The following BTAF1 variants were observed in gnomAD, a reference collection of about 807,000 sequenced individuals.
The protein encoded by BTAF1 is B-TFIID TATA-box binding protein associated factor 1.
BTAF1 carries 38 observed loss-of-function variants against 227.1 expected under a neutral mutation model. That is an observed-to-expected ratio of 0.17 (90% CI 0.13 to 0.22). BTAF1 has a LOEUF of 0.22. Ranked by LOEUF, BTAF1 falls within the 10% of genes least tolerant of loss-of-function variation. BTAF1 has a pLI of 1.00. For synonymous variants in BTAF1, 742 were observed against 751.9 expected, an observed-to-expected ratio of 0.99 and a Z score of 0.21; for missense variants, 1,598 against 2,204.0, an observed-to-expected ratio of 0.73 and a Z score of 5.51.
chr10:91,958,559 G>A (rs113907866), intron 8 of BTAF1, among the ~76,000 whole-genome samples: 41,494 of 151,792 alleles, frequency 0.27, 6,922 homozygotes, highest in Non-Finnish European at 0.38. Context: ...AAAACTAGCC[G>A]GGCGTGGTGG....
chr10:91,933,445 G>A (rs1252894646), intron 1 of BTAF1, among the ~76,000 whole-genome samples: 1 of 152,124 alleles, frequency 6.6e-6, no homozygotes, highest in African/African-American at 2.4e-5. Context: ...TGAGAGTTGA[G>A]CAGTCAAGGA....
At chr10:91,992,645 C>A (rs1848874918) in intron 21 of BTAF1, among the ~76,000 whole-genome samples, 1 of 152,114 alleles carries the variant, frequency 6.6e-6, no homozygotes, top group Non-Finnish European at 1.5e-5. Context: ...TAATTGCAAC[C>A]CACCTGACTT....
intron 25 of BTAF1, among the ~76,000 whole-genome samples, chr10:91,998,516 C>T (rs973983401): frequency 4.0e-5 from 6 of 151,844 alleles, no homozygotes; most frequent in South Asian, 2.1e-4. Flanking sequence ...TGGAGTATTT[C>T]GGAGTACATT....
chr10:91,978,258 A>G (rs956215703), intron 14 of BTAF1, among the ~76,000 whole-genome samples: 1 of 152,158 alleles, frequency 6.6e-6, no homozygotes, highest in African/African-American at 2.4e-5. Context: ...TACAGTTTAT[A>G]TTACATGTAT....
Position 91,924,045 on chromosome 10 carries a change from C to T in BTAF1, c.-32C>T, listed in dbSNP as rs1843658906. Reference sequence around the variant, plus strand: ...CGCCTCAGCTGCGCGGCGCGTAGGTCGCGGGGAGCTCCGAACCGCCGGCGC... The same window carrying T: ...CGCCTCAGCTGCGCGGCGCGTAGGTTGCGGGGAGCTCCGAACCGCCGGCGC... On this transcript the variant is annotated 5_prime_UTR_variant, in exon 1 of 38. Transcript: ENST00000265990. 1.2e-6 allele frequency: 2 copies of T among 1,603,818 alleles called. No homozygotes were observed. The highest frequency in any genetic ancestry group is 1.7e-6 in the Non-Finnish European group (2 of 1,176,792).
intron 11 of BTAF1, among the ~76,000 whole-genome samples, chr10:91,961,743 G>T (rs534802655): frequency 6.6e-6 from 1 of 152,278 alleles, no homozygotes; most frequent in Admixed American, 6.5e-5. Flanking sequence ...CCAGTTCTCA[G>T]TGAGATTCCT....
chr10:91,953,788 A>G lies in BTAF1; in HGVS notation c.616A>G (p.Asn206Asp). Residue 206 changes from asparagine (N) to aspartate (D), a missense_variant, in exon 6 of 38, where the codon AAT (asparagine) becomes GAT (aspartate). This residue lies in a region of BTAF1 where 298 missense variants were observed against 395.2 expected (regional missense o/e 0.75). Transcript: ENST00000265990. ...IDSEFRAGMS[N>D]RQKNKAKRMA... ...CTCAGAGTTTCGAGCAGGAATGAGCAATAGACAAAAGAACAAAGCTAAAAG... is the reference window on the plus strand; with the variant it reads ...CTCAGAGTTTCGAGCAGGAATGAGCGATAGACAAAAGAACAAAGCTAAAAG... 1 of 1,614,120 alleles carries G rather than the reference A, an allele frequency of 6.2e-7. No homozygotes were observed. Among genetic ancestry groups the G allele is most frequent in the Non-Finnish European group, 8.5e-7 (1 of 1,179,978 alleles).
At chr10:92,028,742 A>C in intron 37 of BTAF1, 48 bp from the exon 38 acceptor site, 46 of 1,500,384 alleles carry the variant, frequency 3.1e-5, no homozygotes, top group Non-Finnish European at 3.7e-5. Context: ...CAATTTGTGA[A>C]GTTAACCTCT....
chr10:91,981,092 C>A (rs538178665), intron 15 of BTAF1, among the ~76,000 whole-genome samples: 1 of 152,204 alleles, frequency 6.6e-6, no homozygotes, highest in Non-Finnish European at 1.5e-5. Context: ...TCTAAAGTGA[C>A]TCCTTGTTAA....
At position 92,006,400 on chromosome 10, in the gene BTAF1, T is replaced by C. The variant is rs570215594; in HGVS notation, c.3661-1723T>C. Among the ~76,000 whole-genome samples the C allele has an allele frequency of 2.0e-5, 3 of 152,366 alleles. No individual in the cohort carries two copies. The South Asian group carries it at 6.2e-4, about 32-fold the overall frequency. On this transcript the variant is annotated intron_variant, in intron 25 of 37. Coordinates refer to ENST00000265990, the MANE Select transcript of BTAF1 (RefSeq NM_003972.3). The stretch of plus-strand genomic sequence containing the variant: ...CTATCAATGAATGTTTCATACTCTC[T>C]TACATTGAAATTCATTGGTTGTCTT...
rs1159856114 is a variant in BTAF1, at chr10:91,925,732, G to C, written c.14+1642G>C. ...TCACCGTGTTAGCCAGGATGGTCTC[G>C]ATCTCCTTACCTCGTGATCCGCCGG... On this transcript the variant is annotated intron_variant, in intron 1 of 37. Coordinates refer to ENST00000265990, the MANE Select transcript of BTAF1 (RefSeq NM_003972.3). 3.3e-5 allele frequency among the ~76,000 whole-genome samples: 5 copies of C among 152,066 alleles called. No individual in the cohort carries two copies. In the East Asian group the frequency reaches 9.6e-4, roughly 29 times the overall value.
rs1564694324 is a variant in BTAF1, at chr10:91,984,371, C to T, written c.2394C>T (p.Asn798=). ...VHIEVGNRVN[N]NVLTIDQASD... Reference sequence around the variant, plus strand: ...TTGAAGTTGGTAATCGAGTAAACAACAATGTTTTAACAATAGATCAAGCTA... The same window carrying T: ...TTGAAGTTGGTAATCGAGTAAACAATAATGTTTTAACAATAGATCAAGCTA... The change falls in exon 19 of 38, where the codon AAC becomes AAT. Residue 798 remains asparagine (N), a synonymous_variant. Transcript: ENST00000265990. 2.5e-6 allele frequency: 4 copies of T among 1,611,854 alleles called. No individual in the cohort carries two copies. In the South Asian group the frequency reaches 3.3e-5, roughly 13 times the overall value.
chr10:91,976,767 T>G (rs1207564266), intron 14 of BTAF1, among the ~76,000 whole-genome samples: 5 of 152,226 alleles, frequency 3.3e-5, no homozygotes, highest in Non-Finnish European at 5.9e-5. Context: ...GTGGCCAGGA[T>G]GGATTTCAAC....
Position 92,008,891 on chromosome 10 carries a change from C to G in BTAF1, c.3876C>G (p.Asp1292Glu), listed in dbSNP as rs1200462191. 1.2e-6 allele frequency: 2 copies of G among 1,613,424 alleles called. No homozygotes were observed. Among genetic ancestry groups the G allele is most frequent in the East Asian group, 4.5e-5 (2 of 44,838 alleles). ...AACTTCATGGAATTCTGTGTGATGA[C>G]ATGGGTTTAGGAAAAACTTTACAGT... Reference protein sequence around the residue: ...KYKLHGILCDDMGLGKTLQSI... With the variant: ...KYKLHGILCDEMGLGKTLQSI... Residue 1292 changes from aspartate to glutamate, a missense_variant, in exon 27 of 38, where the codon GAC becomes GAG. By Grantham distance (45) the Asp-to-Glu change is conservative (BLOSUM62 2). Around this residue, in one of 10 missense-constraint regions of BTAF1, gnomAD observed 184 missense variants for 341.1 expected, o/e 0.54. Coordinates refer to ENST00000265990, the MANE Select transcript of BTAF1 (RefSeq NM_003972.3).
At chr10:92,019,086 T>A in intron 34 of BTAF1, 151 bp downstream of exon 34, 2 of 768,098 alleles carry the variant, frequency 2.6e-6, no homozygotes, top group African/African-American at 1.8e-5. Flanking sequence ...AAAATGTGGT[T>A]AAAATATATA....
At chr10:91,947,578 C>T (rs555531775) in intron 4 of BTAF1, among the ~76,000 whole-genome samples, 6 of 152,084 alleles carry the variant, frequency 3.9e-5, no homozygotes, top group South Asian at 2.1e-4. Context: ...TATTCTTACG[C>T]GAGTACCACA....
At chr10:91,999,203 T>A (rs935593652) in intron 25 of BTAF1, among the ~76,000 whole-genome samples, 3 of 151,370 alleles carry the variant, frequency 2.0e-5, no homozygotes, top group Non-Finnish European at 2.9e-5. Context: ...TTAATTTTTT[T>A]TATAAAACTG....
intron 2 of BTAF1, among the ~76,000 whole-genome samples, chr10:91,939,640 G>T (rs1460605621): frequency 2.0e-5 from 3 of 152,138 alleles, no homozygotes; most frequent in African/African-American, 7.2e-5. Context: ...GTTTCACCAT[G>T]TTGGCCAAGC....
At chr10:92,005,570 T>C (rs1849821913) in intron 25 of BTAF1, among the ~76,000 whole-genome samples, 1 of 152,174 alleles carries the variant, frequency 6.6e-6, no homozygotes, top group South Asian at 2.1e-4. Flanking sequence ...TTATTTTTTG[T>C]TGCTATTGTA....
Sources: gnomAD v4.1 joint callset for allele counts (sites outside exome capture counted in the v4.1 genomes callset) on GRCh38, gnomAD v4.1.1 for gene constraint, gnomAD v4.1.1 regional missense constraint, MANE v1.5 for transcripts, NCBI Gene and HGNC (gene_info 2026-07-23, HGNC 2026-07-21) for gene names.